Variants in FGF1 observed in about 807,000 individuals in gnomAD.
FGF1 encodes fibroblast growth factor 1, also known as beta-endothelial cell growth factor.
In FGF1, 9 loss-of-function variants were observed where a neutral mutation model predicts 13.4. That is an observed-to-expected ratio of 0.67 (90% CI 0.40 to 1.17). The LOEUF (loss-of-function observed/expected upper bound fraction) is 1.17, where lower values mean the gene tolerates loss of function less well. FGF1 is among the 50% of genes most tolerant of loss of function. The pLI, the probability that FGF1 is intolerant of heterozygous loss-of-function variation, is 0.01. For missense variants in FGF1, 156 were observed against 192.7 expected (o/e 0.81, Z 1.13); for synonymous variants, 93 against 79.0 (o/e 1.18, Z -0.94).
At chr5:142,690,227 A>G (rs1751962311), upstream of FGF1, among the ~76,000 whole-genome samples, 1 of 151,816 alleles carries the variant, frequency 6.6e-6, no homozygotes, top group African/African-American at 2.4e-5. Context: ...AGGCTGAGGC[A>G]GGAGAATGGC....
At chr5:142,628,535 C>T (rs1333482154) in intron 1 of FGF1, among the ~76,000 whole-genome samples, 4 of 152,152 alleles carry the variant, frequency 2.6e-5, no homozygotes, top group Admixed American at 2.6e-4. Flanking sequence ...GAGATAGTTG[C>T]CAATAACTAT....
intron 1 of FGF1, among the ~76,000 whole-genome samples, chr5:142,684,509 A>G (rs1352019460): frequency 2.0e-5 from 3 of 152,242 alleles, no homozygotes; most frequent in South Asian, 4.1e-4. Context: ...GCAACAGAAG[A>G]AAGTCTCTCT....
At chr5:142,645,972 G>T (rs1424505138) in intron 1 of FGF1, among the ~76,000 whole-genome samples, 2 of 152,000 alleles carry the variant, frequency 1.3e-5, no homozygotes, top group Non-Finnish European at 2.9e-5. Flanking sequence ...GCAGTGGTGC[G>T]ATCTTGGCTC....
chr5:142,600,062 C>G (rs1167480785), intron 3 of FGF1, among the ~76,000 whole-genome samples: 1 of 152,186 alleles, frequency 6.6e-6, no homozygotes, highest in Admixed American at 6.5e-5. Flanking sequence ...ACCTATAGCA[C>G]GTAGTACCTA....
intron 1 of FGF1, among the ~76,000 whole-genome samples, chr5:142,654,249 T>A (rs1767765559): frequency 6.6e-6 from 1 of 152,176 alleles, no homozygotes; most frequent in Admixed American, 6.5e-5. Context: ...TCAATAAATA[T>A]CTGGAGAGTT....
intron 1 of FGF1, among the ~76,000 whole-genome samples, chr5:142,622,719 G>A (rs1454212370): frequency 6.6e-6 from 1 of 152,172 alleles, no homozygotes; most frequent in African/African-American, 2.4e-5. Flanking sequence ...TCCACTCCCT[G>A]GTGAAGGAAA....
At position 142,618,921 on chromosome 5, in the gene FGF1, G is replaced by GTTTTTTTTT. The variant is rs1343286807; in HGVS notation, c.-34-4761_-34-4760insAAAAAAAAA. On this transcript the variant is annotated intron_variant, in intron 1 of 3. Coordinates refer to ENST00000337706, the MANE Select transcript of FGF1 (RefSeq NM_000800.5). ...GGCAAACACTGACATTTATTTTTTA[G>GTTTTTTTTT]TTGTTTTGTTTTTTTTTTTTTTTTT... 2.2e-4 allele frequency among the ~76,000 whole-genome samples: 24 copies of GTTTTTTTTT among 108,370 alleles called. 2 individuals are homozygous for GTTTTTTTTT. The highest frequency in any genetic ancestry group is 7.5e-4 in the African/African-American group (23 of 30,674). 71.1% of individuals were successfully genotyped at this position (108,370 alleles called of 152,430 possible).
chr5:142,651,628 C>T (rs554042073), intron 1 of FGF1, among the ~76,000 whole-genome samples: 4 of 152,270 alleles, frequency 2.6e-5, no homozygotes, highest in African/African-American at 7.2e-5. Flanking sequence ...TCTTAAAAAT[C>T]CTTCATGTTC....
At chr5:142,607,199 C>T (rs997953720) in intron 2 of FGF1, among the ~76,000 whole-genome samples, 7 of 152,164 alleles carry the variant, frequency 4.6e-5, no homozygotes, top group Admixed American at 3.9e-4. Context: ...TTCTTGGGGG[C>T]AGACAGGGAC....
intron 1 of FGF1, among the ~76,000 whole-genome samples, chr5:142,632,486 C>T (rs1763527814): frequency 6.6e-6 from 1 of 152,138 alleles, no homozygotes; most frequent in African/African-American, 2.4e-5. Flanking sequence ...TTTATCAATT[C>T]AACAAAGCAG....
chr5:142,688,446 G>A (rs970389637), upstream of FGF1, among the ~76,000 whole-genome samples: 1 of 152,142 alleles, frequency 6.6e-6, no homozygotes, highest in Non-Finnish European at 1.5e-5. Context: ...TGACCTAGTC[G>A]AAAAGTCTGG....
chr5:142,667,194 G>T (rs1161855773), intron 1 of FGF1, among the ~76,000 whole-genome samples: 1 of 152,072 alleles, frequency 6.6e-6, no homozygotes, highest in Non-Finnish European at 1.5e-5. Flanking sequence ...TGAGGCAGGA[G>T]AATTGCTTGA....
intron 1 of FGF1, among the ~76,000 whole-genome samples, chr5:142,639,329 G>C (rs1764784206): frequency 6.6e-6 from 1 of 151,888 alleles, no homozygotes; most frequent in Non-Finnish European, 1.5e-5. Flanking sequence ...CATGAAATCT[G>C]TAACACATTT....
chr5:142,670,667 A>G (rs1322131081), intron 1 of FGF1, among the ~76,000 whole-genome samples: 2 of 152,212 alleles, frequency 1.3e-5, no homozygotes, highest in South Asian at 2.1e-4. Flanking sequence ...AATTAGGAAA[A>G]AAACCCCACA....
intron 3 of FGF1, 62 bp from the exon 4 acceptor site, chr5:142,595,546 C>A: frequency 7.1e-7 from 1 of 1,410,514 alleles, no homozygotes; most frequent in South Asian, 1.3e-5. Flanking sequence ...TGGGGGTCCC[C>A]ATTTACTAGC....
At chr5:142,690,871 T>A (rs192579714), upstream of FGF1, among the ~76,000 whole-genome samples, 46 of 152,298 alleles carry the variant, frequency 3.0e-4, no homozygotes, top group Middle Eastern at 3.4e-3. Flanking sequence ...AGTCACCTGC[T>A]CCTCATAACG....
intron 1 of FGF1, among the ~76,000 whole-genome samples, chr5:142,669,830 C>G (rs1184728769): frequency 1.3e-5 from 2 of 152,252 alleles, no homozygotes; most frequent in East Asian, 3.9e-4. Context: ...GCGAAGCAGA[C>G]AGCGGCAGCC....
At chr5:142,652,206 T>G (rs1486505800) in intron 1 of FGF1, among the ~76,000 whole-genome samples, 1 of 152,198 alleles carries the variant, frequency 6.6e-6, no homozygotes, top group African/African-American at 2.4e-5. Flanking sequence ...TATAACCTCC[T>G]GGGAAGGTTC....
chr5:142,661,040 A>G (rs1769125718), intron 1 of FGF1, among the ~76,000 whole-genome samples: 1 of 152,206 alleles, frequency 6.6e-6, no homozygotes. Flanking sequence ...TATCTGCAAA[A>G]TATTATCCAT....
Sources: gnomAD v4.1 joint callset for allele counts (sites outside exome capture counted in the v4.1 genomes callset) on GRCh38, gnomAD v4.1.1 for gene constraint, MANE v1.5 for transcripts, NCBI Gene and HGNC (gene_info 2026-07-23, HGNC 2026-07-21) for gene names.